Variants in COL6A2 observed in about 807,000 individuals in gnomAD.
COL6A2 encodes the protein collagen alpha-2(VI) chain.
In COL6A2, 90 loss-of-function variants were observed where a neutral mutation model predicts 124.9. The ratio of observed to expected loss-of-function variants is 0.72; its 90% CI spans 0.61 to 0.86. The LOEUF (loss-of-function observed/expected upper bound fraction) is 0.86. COL6A2 is among the 40% of genes least tolerant of loss of function. The pLI, the probability that COL6A2 is intolerant of heterozygous loss-of-function variation, is 0.00. For synonymous variants in COL6A2, 793 were observed against 618.2 expected (o/e 1.28, Z -4.19); for missense variants, 1,607 against 1,502.5 (o/e 1.07, Z -1.15).
intron 27 of COL6A2, 137 bp from the exon 28 acceptor site, chr21:46,131,817 A>G (rs757068354): frequency 9.7e-6 from 8 of 827,228 alleles, no homozygotes; most frequent in Non-Finnish European, 1.4e-5. Context: ...GCTGCCCTGC[A>G]GAAACGCCCC....
intron 10 of COL6A2, among the ~76,000 whole-genome samples, 178 bp from the exon 11 acceptor site, chr21:46,117,222 C>G (rs1223087404): frequency 6.6e-6 from 1 of 152,260 alleles, no homozygotes; most frequent in Non-Finnish European, 1.5e-5. Context: ...GCACAACGGC[C>G]ACTCTGCCTC....
In COL6A2 at chr21:46,116,771, G is replaced by C. The variant is rs2078477480; in HGVS notation, c.956G>C (p.Gly319Ala). The C allele has an allele frequency of 6.2e-7, 1 of 1,612,978 alleles. No individual in the cohort carries two copies. The change falls in exon 10 of 28, where the codon GGG becomes GCG. Residue 319 changes from glycine (G) to alanine (A), a missense_variant and splice_region_variant. Around this residue, in one of 3 missense-constraint regions of COL6A2, gnomAD observed 1,223 missense variants for 1,052.2 expected, o/e 1.16. Transcript: ENST00000300527. The surrounding 1 kb of genome is among the most constrained non-coding windows in gnomAD (Gnocchi z 4.6). ...GTTCCCTCTTCCTTCTCTCTTCAGG[G>C]GGCCCCTGGCCTGGCTGGCAAGAAC... ...KGEFGADGRK[G>A]APGLAGKNGT...
At chr21:46,131,135 T>TCCCTC (rs1335447766) in intron 27 of COL6A2, among the ~76,000 whole-genome samples, 3 of 152,122 alleles carry the variant, frequency 2.0e-5, no homozygotes, top group Non-Finnish European at 4.4e-5. Context: ...ACTGGCTCTG[T>TCCCTC]CCCTCCCCTC....
rs11554666 is a variant in COL6A2, at chr21:46,132,710, C to T, written c.*158C>T. On this transcript the variant is annotated 3_prime_UTR_variant, in exon 28 of 28. Transcript: ENST00000300527. Reference sequence around the variant, plus strand: ...TCCCACGGGGTCCCCGTAGCCCCGGCCCCCGCCCAGCCCCAGGTCTCCCCA... The same window carrying T: ...TCCCACGGGGTCCCCGTAGCCCCGGTCCCCGCCCAGCCCCAGGTCTCCCCA... 49,785 of 744,354 alleles carry T rather than the reference C, an allele frequency of 0.067. 4,400 individuals are homozygous for T. Among genetic ancestry groups the T allele is most frequent in the East Asian group, 0.41 (14,932 of 36,634 alleles). The allele number at this position is 744,354 out of a possible 1,614,324, so 46.1% of individuals were successfully genotyped here.
chr21:46,108,066 CTCTT>C (rs1385833680), intron 1 of COL6A2, among the ~76,000 whole-genome samples: 6 of 150,812 alleles, frequency 4.0e-5, no homozygotes, highest in South Asian at 2.1e-4. Context: ...CCCCTCCTTT[CTCTT>C]TCTTTCTCTC....
chr21:46,128,116 A>G (rs1298870911), intron 27 of COL6A2, among the ~76,000 whole-genome samples: 5 of 152,188 alleles, frequency 3.3e-5, no homozygotes, highest in African/African-American at 1.2e-4. Flanking sequence ...TCCTCCCCAG[A>G]CGGTGACATG....
At chr21:46,125,184 C>A in intron 23 of COL6A2, 82 bp from the exon 24 acceptor site, 3 of 1,376,332 alleles carry the variant, frequency 2.2e-6, no homozygotes, top group African/African-American at 1.4e-5. Context: ...TGGAATGTCC[C>A]GGGACCCCCA....
chr21:46,132,344 T>C lies in COL6A2; in HGVS notation c.2852T>C (p.Val951Ala), dbSNP rs372411072. 1 of 1,608,258 alleles carries C rather than the reference T, an allele frequency of 6.2e-7. No individual in the cohort carries two copies. The highest frequency in any genetic ancestry group is 8.5e-7 in the Non-Finnish European group (1 of 1,179,538). The change falls in exon 28 of 28, where the codon GTC becomes GCC. Residue 951 changes from valine (V) to alanine (A), a missense_variant. Around this residue, in one of 3 missense-constraint regions of COL6A2, gnomAD observed 1,223 missense variants for 1,052.2 expected, o/e 1.16. Transcript: ENST00000300527. Reference protein sequence around the residue: ...ELSFVFLTDGVTGNDSLHESA... With the variant: ...ELSFVFLTDGATGNDSLHESA... ...TCCTTCGTGTTCCTCACGGACGGCG[T>C]CACGGGCAACGACAGTCTGCACGAG...
At chr21:46,128,937 C>T (rs1181883640) in intron 27 of COL6A2, 3 of 1,612,192 alleles carry the variant, frequency 1.9e-6, no homozygotes, top group South Asian at 1.1e-5. Context: ...GAAAGGTTTT[C>T]TCGGGGTCCG....
At chr21:46,099,704 C>T (rs1166837640) in intron 1 of COL6A2, among the ~76,000 whole-genome samples, 2 of 152,068 alleles carry the variant, frequency 1.3e-5, no homozygotes, top group Non-Finnish European at 2.9e-5. Flanking sequence ...ATCCAAACAC[C>T]CAGCCCCGCC....
chr21:46,120,969 C>T lies in COL6A2; in HGVS notation c.1396-92C>T, dbSNP rs114974875. On this transcript the variant is annotated intron_variant, in intron 16 of 27. Coordinates refer to ENST00000300527, the MANE Select transcript of COL6A2 (RefSeq NM_001849.4). ...GCCGGGGCCAGACCCGTCTTACCCCCGAGGCCCTGCAGTGTCCACAGGATT... is the reference window on the plus strand; with the variant it reads ...GCCGGGGCCAGACCCGTCTTACCCCTGAGGCCCTGCAGTGTCCACAGGATT... 5.2e-4 allele frequency: 652 copies of T among 1,245,598 alleles called. 3 individuals carry two copies. The African/African-American group carries it at 7.8e-3, about 15-fold the overall frequency. 77.2% of individuals were successfully genotyped at this position (1,245,598 alleles called of 1,614,324 possible). A position where few individuals can be genotyped will look rare whatever the true frequency, so the allele number is the denominator to read the frequency against.
intron 21 of COL6A2, 23 bp from the exon 22 acceptor site, chr21:46,124,628 C>T (rs369991024): frequency 6.2e-5 from 100 of 1,612,382 alleles, no homozygotes; most frequent in Non-Finnish European, 8.4e-5. Flanking sequence ...CACTGAAGCC[C>T]ACCTGTTCTT....
At chr21:46,125,044 G>A (rs942001208) in intron 23 of COL6A2, 124 bp downstream of exon 23, 35 of 1,297,370 alleles carry the variant, frequency 2.7e-5, no homozygotes, top group South Asian at 2.4e-5. Context: ...GAGGTCAGAG[G>A]GCAAGGTCAG....
chr21:46,116,269 G>A lies in COL6A2; in HGVS notation c.901-108G>A, dbSNP rs547646430. ...CGCAGACTGTTTGTCGAGAACACTA[G>A]ATGCCAGCGGCCCACCGAGCACTCC... On this transcript the variant is annotated intron_variant, in intron 7 of 27. Transcript: ENST00000300527. This position sits in a 1 kb window ranked among gnomAD's most constrained non-coding sequence, Gnocchi z 4.6. 7 of 1,340,122 alleles carry A rather than the reference G, an allele frequency of 5.2e-6. No homozygotes were observed. In the African/African-American group the frequency reaches 1.0e-4, roughly 19 times the overall value. The allele number at this position is 1,340,122 out of a possible 1,614,324, so 83.0% of individuals were successfully genotyped here.
At chr21:46,110,849 TG>T (rs1376719523) in intron 1 of COL6A2, among the ~76,000 whole-genome samples, 1 of 152,238 alleles carries the variant, frequency 6.6e-6, no homozygotes, top group Non-Finnish European at 1.5e-5. Flanking sequence ...TCAGGGAGGA[TG>T]GACGTTCAAG....
At chr21:46,108,217 T>C (rs1057051355) in intron 1 of COL6A2, among the ~76,000 whole-genome samples, 58 of 152,212 alleles carry the variant, frequency 3.8e-4, no homozygotes, top group African/African-American at 1.4e-3. Flanking sequence ...TATACTTTTA[T>C]TTTTACTGTC....
chr21:46,125,009 CGGTCAGAGAGCAAGATCAGTGGAGGA>C lies in COL6A2; in HGVS notation c.1770+98_1770+123del, dbSNP rs564836138. The C allele has an allele frequency of 2.2e-3, 3,341 of 1,505,692 alleles. 7 individuals carry two copies. Among genetic ancestry groups the C allele is most frequent in the Non-Finnish European group, 2.7e-3 (2,937 of 1,083,672 alleles). 93.3% of individuals were successfully genotyped at this position (1,505,692 alleles called of 1,614,324 possible). ...AGGGGTGGGGGAAGGTCAGCTGGCA[CGGTCAGAGAGCAAGATCAGTGGAGGA>C]GGTCAGAGGGCAAGGTCAGAGAGCA... is the stretch of plus-strand genomic sequence containing the variant. On this transcript the variant is annotated intron_variant, in intron 23 of 27. Coordinates refer to ENST00000300527, the MANE Select transcript of COL6A2 (RefSeq NM_001849.4).
chr21:46,112,969 TTGGAGTC>T, intron 4 of COL6A2, 145 bp downstream of exon 4: 1 of 1,067,600 alleles, frequency 9.4e-7, no homozygotes, highest in Admixed American at 2.0e-5. Context: ...ACCTGAGGCC[TTGGAGTC>T]TGGAGAAAGG....
chr21:46,131,632 G>A (rs1281307564), intron 27 of COL6A2, among the ~76,000 whole-genome samples: 1 of 152,168 alleles, frequency 6.6e-6, no homozygotes, highest in African/African-American at 2.4e-5. Flanking sequence ...GCCATGAAAG[G>A]ATGCTTTGGG....
Sources: gnomAD v4.1 joint callset for allele counts (sites outside exome capture counted in the v4.1 genomes callset) on GRCh38, gnomAD v4.1.1 for gene constraint, gnomAD v4.1.1 regional missense constraint, Gnocchi (gnomAD v3.1) non-coding constraint, MANE v1.5 for transcripts, NCBI Gene and HGNC (gene_info 2026-07-23, HGNC 2026-07-21) for gene names.